PTPRO: variants seen among roughly 807,000 people sequenced by gnomAD.
The protein encoded by PTPRO is protein tyrosine phosphatase receptor type O.
PTPRO carries 62 observed loss-of-function variants against 145.2 expected under a neutral mutation model. That is an observed-to-expected ratio of 0.43 (90% CI 0.35 to 0.53). The LOEUF is 0.53. Among genes scored for constraint, PTPRO ranks in the 20% least tolerant of loss-of-function variants. PTPRO has a pLI of 0.01. For missense variants in PTPRO, 1,345 were observed against 1,482.7 expected (o/e 0.91, Z 1.53); for synonymous variants, 565 against 514.7 (o/e 1.10, Z -1.32).
At chr12:15,342,872 GT>G (rs1483687117) in intron 1 of PTPRO, among the ~76,000 whole-genome samples, 2 of 152,120 alleles carry the variant, frequency 1.3e-5, no homozygotes, top group Non-Finnish European at 2.9e-5. Flanking sequence ...GGGCCGATAG[GT>G]TTCTGGAATT....
chr12:15,435,980 C>T (rs115118752), intron 1 of PTPRO, among the ~76,000 whole-genome samples: 1 of 152,134 alleles, frequency 6.6e-6, no homozygotes, highest in African/African-American at 2.4e-5. Context: ...CTACCGTGTA[C>T]CAATATGTTC....
intron 2 of PTPRO, among the ~76,000 whole-genome samples, chr12:15,494,296 G>T (rs1452274174): frequency 6.6e-6 from 1 of 152,158 alleles, no homozygotes; most frequent in Non-Finnish European, 1.5e-5. Context: ...TCTCTGTCCA[G>T]TCCAGGCTGG....
intron 1 of PTPRO, among the ~76,000 whole-genome samples, chr12:15,376,993 G>C (rs1470310263): frequency 6.6e-6 from 1 of 152,124 alleles, no homozygotes; most frequent in East Asian, 1.9e-4. Context: ...TGCAGCAATT[G>C]TTAAACTGTG....
intron 1 of PTPRO, among the ~76,000 whole-genome samples, chr12:15,448,880 A>G (rs945823446): frequency 5.9e-5 from 9 of 152,160 alleles, no homozygotes; most frequent in African/African-American, 2.2e-4. Context: ...CCTGGAGAAC[A>G]AGACATTATG....
chr12:15,383,587 G>A lies in PTPRO; in HGVS notation c.75+60786G>A, dbSNP rs191543349. Reference sequence around the variant, plus strand: ...GGACATCTTGAGAACATGTGCCCAAGGTGATTGGGTTACACCTTAATTTTA... The same window carrying A: ...GGACATCTTGAGAACATGTGCCCAAAGTGATTGGGTTACACCTTAATTTTA... On this transcript the variant is annotated intron_variant, in intron 1 of 26. Transcript: ENST00000281171. 9.3e-4 allele frequency among the ~76,000 whole-genome samples: 142 copies of A among 152,284 alleles called. 1 individual carries two copies. The highest frequency in any genetic ancestry group is 1.3e-3 in the Non-Finnish European group (87 of 68,024).
At chr12:15,433,676 A>G (rs1439202116) in intron 1 of PTPRO, among the ~76,000 whole-genome samples, 5 of 152,108 alleles carry the variant, frequency 3.3e-5, no homozygotes, top group African/African-American at 1.2e-4. Context: ...TAGGTGTGTG[A>G]TGTTATTTCT....
chr12:15,357,658 G>C (rs1483661062), intron 1 of PTPRO, among the ~76,000 whole-genome samples: 1 of 151,580 alleles, frequency 6.6e-6, no homozygotes, highest in Non-Finnish European at 1.5e-5. Context: ...CTGGCCATCA[G>C]AGAAATGCAA....
rs554640232 is a variant in PTPRO at position 15,484,630 on chromosome 12, A to G, written c.349+383A>G. Among the ~76,000 whole-genome samples, 60 of 152,232 alleles carry G rather than the reference A, an allele frequency of 3.9e-4. 1 individual carries two copies. The highest frequency in any genetic ancestry group is 1.8e-3 in the Admixed American group (27 of 15,270). On this transcript the variant is annotated intron_variant, in intron 2 of 26. Transcript: ENST00000281171. The stretch of plus-strand genomic sequence containing the variant: ...AAGCAATTCAGTTTGGGGACAATGA[A>G]CTGATACTCCTATTTAACCTGCTCA...
chr12:15,387,237 C>T (rs181884625), intron 1 of PTPRO, among the ~76,000 whole-genome samples: 2 of 152,282 alleles, frequency 1.3e-5, no homozygotes, highest in Admixed American at 6.5e-5. Context: ...CTGAACCCTG[C>T]CTCCAGACCT....
At chr12:15,411,492 A>T (rs898513038) in intron 1 of PTPRO, among the ~76,000 whole-genome samples, 1 of 152,220 alleles carries the variant, frequency 6.6e-6, no homozygotes, top group Admixed American at 6.5e-5. Flanking sequence ...AAAAGGTGAG[A>T]CTGCCTCTAG....
chr12:15,499,545 C>G lies in PTPRO; in HGVS notation c.612C>G (p.Thr204=), dbSNP rs139561990. ...CTGAGGCAACTTTTAATAAAAGTAC[C>G]CTTGTTGAGTACAGTGGTGTCAGTC... The part of the protein sequence containing the change: ...LVSEATFNKS[T]LVEYSGVSHE... Residue 204 remains threonine, a synonymous_variant, in exon 4 of 27, where the codon ACC becomes ACG. Coordinates refer to ENST00000281171, the MANE Select transcript of PTPRO (RefSeq NM_030667.3). The G allele has an allele frequency of 6.8e-6, 11 of 1,613,620 alleles. No homozygotes were observed. The South Asian group carries it at 1.1e-4, about 16-fold the overall frequency.
rs1866325107 is a variant in PTPRO at position 15,322,573 on chromosome 12, A to G, written c.-154A>G. The G allele has an allele frequency of 2.8e-6, 2 of 703,118 alleles. No individual in the cohort carries two copies. Among genetic ancestry groups the G allele is most frequent in the Non-Finnish European group, 5.2e-6 (2 of 387,172 alleles). 43.6% of individuals were successfully genotyped at this position (703,118 alleles called of 1,614,324 possible). ...ACCCCGGGCGCAGAGGAGGAAAGGG[A>G]GCAGGCGCAGGGGGACTGGAAAGGC... On this transcript the variant is annotated 5_prime_UTR_variant, in exon 1 of 27. Coordinates refer to ENST00000281171, the MANE Select transcript of PTPRO (RefSeq NM_030667.3). The surrounding 1 kb of genome is among the most constrained non-coding windows in gnomAD (Gnocchi z 6.3).
At chr12:15,454,163 T>C (rs375713681) in intron 1 of PTPRO, among the ~76,000 whole-genome samples, 1 of 152,332 alleles carries the variant, frequency 6.6e-6, no homozygotes, top group South Asian at 2.1e-4. Flanking sequence ...ATAGTTTTCA[T>C]AGATGCAGCA....
intron 1 of PTPRO, among the ~76,000 whole-genome samples, chr12:15,354,167 T>TA (rs1330394486): frequency 6.6e-6 from 1 of 152,224 alleles, no homozygotes; most frequent in Non-Finnish European, 1.5e-5. Context: ...CAAATTGATG[T>TA]AGATGGTCTG....
chr12:15,421,003 T>C (rs769569604), intron 1 of PTPRO, among the ~76,000 whole-genome samples: 1 of 152,214 alleles, frequency 6.6e-6, no homozygotes, highest in Non-Finnish European at 1.5e-5. Flanking sequence ...TTAGAGACAG[T>C]GGTATGCATA....
intron 1 of PTPRO, among the ~76,000 whole-genome samples, chr12:15,457,529 A>G (rs1384138185): frequency 6.6e-6 from 1 of 152,004 alleles, no homozygotes; most frequent in Non-Finnish European, 1.5e-5. Context: ...CCTTGTTGTT[A>G]ATTGTTTTCT....
At chr12:15,368,041 A>T (rs7304210) in intron 1 of PTPRO, among the ~76,000 whole-genome samples, 25,115 of 152,164 alleles carry the variant, frequency 0.17, 4,889 homozygotes, top group African/African-American at 0.47. Context: ...ACATTTCTCA[A>T]TAAAACCGTT....
chr12:15,577,606 T>A (rs1289715371), intron 19 of PTPRO, among the ~76,000 whole-genome samples: 1 of 152,192 alleles, frequency 6.6e-6, no homozygotes, highest in Non-Finnish European at 1.5e-5. Context: ...GAGTAAAACT[T>A]GTGCTCAATA....
chr12:15,526,285 G>GGT (rs775055676), intron 12 of PTPRO, 23 bp downstream of exon 12: 1 of 1,612,632 alleles, frequency 6.2e-7, no homozygotes, highest in South Asian at 1.1e-5. Context: ...CACAGAGATG[G>GGT]GTGTGAAATA....
Sources: gnomAD v4.1 joint callset for allele counts (sites outside exome capture counted in the v4.1 genomes callset) on GRCh38, gnomAD v4.1.1 for gene constraint, Gnocchi (gnomAD v3.1) non-coding constraint, MANE v1.5 for transcripts, NCBI Gene and HGNC (gene_info 2026-07-23, HGNC 2026-07-21) for gene names.